Variants in LRRC4C observed in about 807,000 individuals in gnomAD.
LRRC4C encodes the protein leucine-rich repeat-containing protein 4C.
LRRC4C carries 5 observed loss-of-function variants against 33.6 expected under a neutral mutation model. The observed-to-expected ratio is 0.15, with a 90% confidence interval of 0.08 to 0.31. The LOEUF (loss-of-function observed/expected upper bound fraction) is 0.31. LRRC4C is among the 10% of genes least tolerant of loss of function. The pLI, the probability that LRRC4C is intolerant of heterozygous loss-of-function variation, is 1.00. For missense variants in LRRC4C, 560 were observed against 796.7 expected (o/e 0.70, Z 3.58); for synonymous variants, 329 against 302.0 (o/e 1.09, Z -0.93).
intron 3 of LRRC4C, among the ~76,000 whole-genome samples, chr11:40,583,728 T>G (rs1807923424): frequency 6.6e-6 from 1 of 152,068 alleles, no homozygotes; most frequent in East Asian, 1.9e-4. Context: ...TCATATTATA[T>G]TCTTGTAGTA....
intron 3 of LRRC4C, among the ~76,000 whole-genome samples, chr11:40,462,846 C>T (rs1008654397): frequency 6.6e-6 from 1 of 152,012 alleles, no homozygotes; most frequent in African/African-American, 2.4e-5. Context: ...ATCTAAACCT[C>T]CTTAGGTTTT....
rs542802275 is a variant in LRRC4C, at chr11:40,691,671, T to A, written c.-406-43393A>T. On this transcript the variant is annotated intron_variant, in intron 2 of 6. Transcript: ENST00000528697. ...GACTGGAATTGGTAAAATTAGGGCTTGCCTCAGGTTACAAATCTGAAGAAG... is the reference window on the plus strand; with the variant it reads ...GACTGGAATTGGTAAAATTAGGGCTAGCCTCAGGTTACAAATCTGAAGAAG... Among the ~76,000 whole-genome samples the A allele has an allele frequency of 2.0e-5, 3 of 152,250 alleles. No homozygotes were observed. In the South Asian group the frequency reaches 6.2e-4, roughly 32 times the overall value.
intron 4 of LRRC4C, among the ~76,000 whole-genome samples, chr11:40,254,930 T>G (rs1379050933): frequency 6.6e-6 from 1 of 152,138 alleles, no homozygotes. Context: ...CACCTCAGCC[T>G]CTCAAGTAGT....
chr11:40,984,228 A>T (rs1852758372), intron 1 of LRRC4C, among the ~76,000 whole-genome samples: 1 of 150,128 alleles, frequency 6.7e-6, no homozygotes. Flanking sequence ...AGGAAGAAAG[A>T]GGAAAGGAAA....
intron 1 of LRRC4C, among the ~76,000 whole-genome samples, chr11:41,286,534 T>C (rs1464549856): frequency 6.6e-6 from 1 of 152,194 alleles, no homozygotes; most frequent in Non-Finnish European, 1.5e-5. Flanking sequence ...AGAGCTCTAA[T>C]AGAATGGTAA....
chr11:41,017,669 G>C (rs1023837781), intron 1 of LRRC4C, among the ~76,000 whole-genome samples: 6 of 151,594 alleles, frequency 4.0e-5, no homozygotes, highest in Non-Finnish European at 5.9e-5. Flanking sequence ...TACTACTATG[G>C]AGAAAAGTAA....
intron 3 of LRRC4C, among the ~76,000 whole-genome samples, chr11:40,347,124 T>A (rs1386771584): frequency 6.6e-6 from 1 of 152,244 alleles, no homozygotes; most frequent in Non-Finnish European, 1.5e-5. Flanking sequence ...AGGTTGTTTG[T>A]CTACTTGGAC....
intron 5 of LRRC4C, among the ~76,000 whole-genome samples, chr11:40,204,090 T>C (rs1862969082): frequency 6.6e-6 from 1 of 152,058 alleles, no homozygotes; most frequent in South Asian, 2.1e-4. Flanking sequence ...GCCTGGCTGA[T>C]ATTTTGTAGA....
At chr11:40,451,974 C>A (rs1475248636) in intron 3 of LRRC4C, among the ~76,000 whole-genome samples, 1 of 152,102 alleles carries the variant, frequency 6.6e-6, no homozygotes, top group South Asian at 2.1e-4. Context: ...AGAGCTTGAG[C>A]GTGAGCCAAA....
intron 2 of LRRC4C, among the ~76,000 whole-genome samples, chr11:40,858,191 G>A (rs1953895736): frequency 6.6e-6 from 1 of 152,132 alleles, no homozygotes; most frequent in Non-Finnish European, 1.5e-5. Flanking sequence ...AGTAGATACC[G>A]TATTAGTGCA....
At chr11:40,456,804 TA>T (rs1952152301) in intron 3 of LRRC4C, among the ~76,000 whole-genome samples, 1 of 142,438 alleles carries the variant, frequency 7.0e-6, no homozygotes, top group African/African-American at 2.6e-5. Flanking sequence ...TGTGACCTTG[TA>T]CAAAAAGAAG....
chr11:40,936,063 T>TATAA (rs1957881853), intron 1 of LRRC4C, among the ~76,000 whole-genome samples: 5 of 92,776 alleles, frequency 5.4e-5, no homozygotes, highest in Non-Finnish European at 1.1e-4. Context: ...TATATATATA[T>TATAA]ATAACATAGT....
chr11:40,934,437 TGAC>T (rs1957776743), intron 1 of LRRC4C, among the ~76,000 whole-genome samples: 1 of 152,216 alleles, frequency 6.6e-6, no homozygotes, highest in Admixed American at 6.6e-5. Context: ...CTTTCTTTAA[TGAC>T]CACCTGCCTT....
chr11:40,221,651 A>G (rs1033035952), intron 5 of LRRC4C, among the ~76,000 whole-genome samples: 3 of 152,170 alleles, frequency 2.0e-5, no homozygotes, highest in South Asian at 2.1e-4. Context: ...CCACAAGCAG[A>G]CAGCCCGGCG....
chr11:40,885,336 G>A (rs1955403394), intron 2 of LRRC4C, among the ~76,000 whole-genome samples: 1 of 151,984 alleles, frequency 6.6e-6, no homozygotes, highest in East Asian at 1.9e-4. Flanking sequence ...AGCTCGATAA[G>A]GAGCAAGATC....
chr11:41,182,939 C>T (rs893794963), intron 1 of LRRC4C, among the ~76,000 whole-genome samples: 2 of 151,668 alleles, frequency 1.3e-5, no homozygotes, highest in African/African-American at 4.8e-5. Context: ...GAGCAAATCA[C>T]ATCTTACATG....
rs1410981830 is a variant in LRRC4C, at chr11:40,197,866, C to T, written c.-96+43653G>A. The stretch of plus-strand genomic sequence containing the variant: ...ATATCTAGTCAGCCCTAGATCAATT[C>T]ACCCATTCACGAAGTCAGTATTATT... On this transcript the variant is annotated intron_variant, in intron 5 of 6. Coordinates refer to ENST00000528697, the MANE Select transcript of LRRC4C (RefSeq NM_001258419.2). Among the ~76,000 whole-genome samples the T allele has an allele frequency of 2.6e-5, 4 of 152,172 alleles. No homozygotes were observed. The East Asian group carries it at 7.7e-4, about 29-fold the overall frequency.
At chr11:40,426,759 G>A (rs954682487) in intron 3 of LRRC4C, among the ~76,000 whole-genome samples, 1 of 152,286 alleles carries the variant, frequency 6.6e-6, no homozygotes, top group African/African-American at 2.4e-5. Flanking sequence ...GTTTGTCCAA[G>A]AAATATTTGT....
chr11:40,674,594 CCTAT>C (rs1483865469), intron 2 of LRRC4C, among the ~76,000 whole-genome samples: 1 of 152,002 alleles, frequency 6.6e-6, no homozygotes, highest in East Asian at 1.9e-4. Context: ...AAACTATAGT[CCTAT>C]CTAAGTTTTA....
Sources: gnomAD v4.1 joint callset for allele counts (sites outside exome capture counted in the v4.1 genomes callset) on GRCh38, gnomAD v4.1.1 for gene constraint, MANE v1.5 for transcripts, NCBI Gene and HGNC (gene_info 2026-07-23, HGNC 2026-07-21) for gene names.